Variants in IL12RB2 observed in about 807,000 individuals in gnomAD.
The protein encoded by IL12RB2 is interleukin-12 receptor subunit beta-2.
Under a neutral mutation model 89.4 loss-of-function variants are expected in IL12RB2, and 82 were observed. The ratio of observed to expected loss-of-function variants is 0.92; its 90% CI spans 0.77 to 1.10. The LOEUF is 1.10. Among genes scored for constraint, IL12RB2 ranks in the 50% least tolerant of loss-of-function variants. The probability of loss-of-function intolerance (pLI) is 0.00; values close to 1 mark genes in which losing one functional copy is unlikely to be tolerated. For synonymous variants in IL12RB2, 368 were observed against 370.1 expected (o/e 0.99, Z 0.07); for missense variants, 963 against 1,031.9 (o/e 0.93, Z 0.92).
intron 9 of IL12RB2, among the ~76,000 whole-genome samples, chr1:67,339,989 T>C (rs1482752801): frequency 1.3e-5 from 2 of 152,150 alleles, no homozygotes; most frequent in East Asian, 3.8e-4. Flanking sequence ...CAGTTGAGGA[T>C]AGAAAGTTTT....
Position 67,351,066 on chromosome 1 carries a change from A to G in IL12RB2, c.1235A>G (p.Asn412Ser). Residue 412 changes from asparagine (N) to serine (S), a missense_variant, in exon 10 of 17, where the codon AAC becomes AGC. Asn to Ser is a conservative substitution (Grantham distance 46). Transcript: ENST00000674203. ...SKGSSLPTRI[N>S]IMNLCEAGLL... ...GGCAGTTCTCTGCCCACTCGTATTA[A>G]CATAATGAACCTGTGTGAGGCAGGT... is the stretch of plus-strand genomic sequence containing the variant. 6.2e-7 allele frequency: 1 copy of G among 1,613,250 alleles called. No homozygotes were observed. Among genetic ancestry groups the G allele is most frequent in the South Asian group, 1.1e-5 (1 of 91,052 alleles).
At chr1:67,361,887 T>C (rs910638726) in intron 10 of IL12RB2, among the ~76,000 whole-genome samples, 1 of 151,506 alleles carries the variant, frequency 6.6e-6, no homozygotes, top group African/African-American at 2.4e-5. Flanking sequence ...TGGCAGAAAA[T>C]CAAAGATAAA....
chr1:67,345,818 T>C (rs1437717534), intron 9 of IL12RB2, among the ~76,000 whole-genome samples: 1 of 152,158 alleles, frequency 6.6e-6, no homozygotes, highest in Non-Finnish European at 1.5e-5. Context: ...AAGTAGGGAA[T>C]TTTGATTGGA....
chr1:67,372,710 G>A lies in IL12RB2; in HGVS notation c.1644G>A (p.Glu548=). 6.2e-7 allele frequency: 1 copy of A among 1,606,586 alleles called. No homozygotes were observed. Among genetic ancestry groups the A allele is most frequent in the Non-Finnish European group, 8.5e-7 (1 of 1,173,112 alleles). The part of the protein sequence containing the change: ...LISWNSIPVQ[E]QMGCLLHYRI... ...CATGGAACAGCATTCCAGTCCAGGA[G>A]CAAATGGGCTGCCTCCTCCATTATA... The change falls in exon 13 of 17, where the codon GAG becomes GAA. Residue 548 remains glutamate (E), a synonymous_variant. Coordinates refer to ENST00000674203, the MANE Select transcript of IL12RB2 (RefSeq NM_001374259.2).
rs10693344 is a variant in IL12RB2, at chr1:67,382,708, A to AT, written c.1855+2600dup. Among the ~76,000 whole-genome samples the AT allele has an allele frequency of 6.9e-3, 929 of 134,842 alleles. 15 individuals are homozygous for AT. Among genetic ancestry groups the AT allele is most frequent in the East Asian group, 0.023 (107 of 4,622 alleles). The allele number at this position is 134,842 out of a possible 152,430, so 88.5% of individuals were successfully genotyped here. On this transcript the variant is annotated intron_variant, in intron 14 of 16. Coordinates refer to ENST00000674203, the MANE Select transcript of IL12RB2 (RefSeq NM_001374259.2). ...GCTCCTATTCATCCTCCAACTCTAC[A>AT]TTTTTTTTTTTTTTTGAGACAGGGT...
chr1:67,373,341 C>A (rs1280156897), intron 13 of IL12RB2, among the ~76,000 whole-genome samples: 2 of 152,186 alleles, frequency 1.3e-5, no homozygotes, highest in African/African-American at 4.8e-5. Flanking sequence ...AACTCCTGGG[C>A]TCAAGTGATT....
Position 67,372,459 on chromosome 1 carries a change from T to TA in IL12RB2, c.1484dup (p.Tyr495Ter). 6.3e-7 allele frequency: 1 copy of TA among 1,587,850 alleles called. No homozygotes were observed. The highest frequency in any genetic ancestry group is 1.1e-5 in the South Asian group (1 of 90,564). ...ISENIKSYIC[Y>*]EIRVYALSGD... ...AGAGAACATAAAATCCTACATCTGTTATGAAATCCGTGTGTATGCACTCTC... is the reference window on the plus strand; with the variant it reads ...AGAGAACATAAAATCCTACATCTGTTAATGAAATCCGTGTGTATGCACTCTC... The change falls in exon 12 of 17, where the codon TAT (tyrosine) becomes TAAT (stop). Residue 495 changes from tyrosine (Y) to a stop codon, truncating the protein, a stop_gained and frameshift_variant. Transcript: ENST00000674203. LOFTEE classifies it high-confidence loss of function.
At chr1:67,360,621 C>A (rs1661932027) in intron 10 of IL12RB2, among the ~76,000 whole-genome samples, 2 of 151,858 alleles carry the variant, frequency 1.3e-5, no homozygotes, top group Non-Finnish European at 2.9e-5. Context: ...CATGGCAAAA[C>A]CCTGTCTCTA....
intron 16 of IL12RB2, among the ~76,000 whole-genome samples, chr1:67,394,172 T>C (rs1388030883): frequency 6.6e-6 from 1 of 152,074 alleles, no homozygotes; most frequent in Non-Finnish European, 1.5e-5. Flanking sequence ...AAAGAGCAGC[T>C]TCTGAAGAGA....
At chr1:67,359,018 G>A (rs892433188) in intron 10 of IL12RB2, among the ~76,000 whole-genome samples, 13 of 152,056 alleles carry the variant, frequency 8.5e-5, no homozygotes, top group Non-Finnish European at 8.8e-5. Context: ...GTGCACGCCT[G>A]TAGTTCCAGC....
At chr1:67,394,513 T>G (rs1335558540) in intron 16 of IL12RB2, among the ~76,000 whole-genome samples, 1 of 152,098 alleles carries the variant, frequency 6.6e-6, no homozygotes, top group Admixed American at 6.5e-5. Context: ...ATAAGCTAAT[T>G]TTGTCTGTTA....
At position 67,395,935 on chromosome 1, in the gene IL12RB2, A is replaced by C; in HGVS notation, c.2435A>C (p.Glu812Ala). Residue 812 changes from glutamate to alanine, a missense_variant, in exon 17 of 17, where the codon GAG becomes GCG. By Grantham distance (107) the Glu-to-Ala change is moderately radical. Coordinates refer to ENST00000674203, the MANE Select transcript of IL12RB2 (RefSeq NM_001374259.2). ...PSNIDDLPSHEAPLADSLEEL... is the reference protein window; with the variant it reads ...PSNIDDLPSHAAPLADSLEEL... ...AACATAGATGACCTCCCCTCACATG[A>C]GGCACCTCTCGCTGACTCTCTGGAA... 1.9e-6 allele frequency: 3 copies of C among 1,612,340 alleles called. No individual in the cohort carries two copies. The highest frequency in any genetic ancestry group is 2.5e-6 in the Non-Finnish European group (3 of 1,178,354).
At chr1:67,331,981 G>A (rs1005979186) in intron 8 of IL12RB2, among the ~76,000 whole-genome samples, 1 of 152,004 alleles carries the variant, frequency 6.6e-6, no homozygotes, top group Non-Finnish European at 1.5e-5. Flanking sequence ...TAACATTAAC[G>A]TGCAAAATCT....
At chr1:67,316,491 C>T (rs1341029835) in intron 2 of IL12RB2, among the ~76,000 whole-genome samples, 1 of 151,502 alleles carries the variant, frequency 6.6e-6, no homozygotes, top group African/African-American at 2.4e-5. Flanking sequence ...TCAATTAAAA[C>T]TCAATTAAAA....
rs1230598964 is a variant in IL12RB2 at position 67,357,607 on chromosome 1, G to A, written c.1258+6518G>A. Among the ~76,000 whole-genome samples, 10 of 151,894 alleles carry A rather than the reference G, an allele frequency of 6.6e-5. No homozygotes were observed. The East Asian group carries it at 1.5e-3, about 23-fold the overall frequency. On this transcript the variant is annotated intron_variant, in intron 10 of 16. Transcript: ENST00000674203. ...TTCTTCAAACATCTTTTCATATTAG[G>A]GCTTCATGTGGTTTGAACATTTTGC... is the stretch of plus-strand genomic sequence containing the variant.
chr1:67,337,004 G>A (rs369666417), intron 8 of IL12RB2, among the ~76,000 whole-genome samples: 2 of 152,152 alleles, frequency 1.3e-5, no homozygotes, highest in Non-Finnish European at 2.9e-5. Context: ...GGAGCTAGCC[G>A]AAGGATGTGG....
chr1:67,367,739 G>C, intron 10 of IL12RB2, 86 bp from the exon 11 acceptor site: 1 of 817,860 alleles, frequency 1.2e-6, no homozygotes, highest in South Asian at 1.3e-5. Context: ...TTTTTCGTTG[G>C]GATAAGCTGT....
intron 10 of IL12RB2, among the ~76,000 whole-genome samples, chr1:67,354,470 T>C (rs1305001856): frequency 6.6e-6 from 1 of 152,110 alleles, no homozygotes; most frequent in African/African-American, 2.4e-5. Flanking sequence ...CAGAGGACCA[T>C]TGATCATAGA....
chr1:67,337,430 TTCAC>T (rs1300416212), intron 8 of IL12RB2, among the ~76,000 whole-genome samples: 3 of 152,176 alleles, frequency 2.0e-5, no homozygotes, highest in Admixed American at 2.0e-4. Context: ...ACAAAATGAC[TTCAC>T]TCACTCACGT....
Sources: allele counts gnomAD v4.1 joint callset (sites outside exome capture counted in the v4.1 genomes callset), GRCh38; gene constraint gnomAD v4.1.1; transcripts MANE v1.5; gene names NCBI Gene and HGNC (gene_info 2026-07-23, HGNC 2026-07-21).